SAP30BP: variants seen among roughly 807,000 people sequenced by gnomAD.
The protein encoded by SAP30BP is SAP30 binding protein.
SAP30BP carries 31 observed loss-of-function variants against 46.3 expected under a neutral mutation model. The observed-to-expected ratio is 0.67, with a 90% CI of 0.50 to 0.90. SAP30BP has a LOEUF of 0.90. SAP30BP is among the 40% of genes least tolerant of loss of function. The pLI is 0.00. For missense variants in SAP30BP, 312 were observed against 391.0 expected (o/e 0.80, Z 1.70); for synonymous variants, 169 against 144.2 (o/e 1.17, Z -1.23).
intron 3 of SAP30BP, among the ~76,000 whole-genome samples, chr17:75,680,470 C>T (rs1381677467): frequency 6.6e-6 from 1 of 152,198 alleles, no homozygotes; most frequent in African/African-American, 2.4e-5. Flanking sequence ...GCTGTGGAAC[C>T]ACAGGCCTGT....
At chr17:75,691,602 T>C in intron 3 of SAP30BP, 3 of 409,938 alleles carry the variant, frequency 7.3e-6, no homozygotes, top group East Asian at 1.4e-4. Flanking sequence ...GGGGTAGACA[T>C]GGTAGACTCC....
chr17:75,673,421 C>T (rs1469170892), intron 3 of SAP30BP, among the ~76,000 whole-genome samples: 3 of 152,178 alleles, frequency 2.0e-5, no homozygotes, highest in African/African-American at 7.2e-5. Flanking sequence ...ATAATCTTCT[C>T]TGCCTAGTAT....
At chr17:75,670,158 C>T (rs1233656440) in intron 2 of SAP30BP, among the ~76,000 whole-genome samples, 1 of 151,948 alleles carries the variant, frequency 6.6e-6, no homozygotes, top group African/African-American at 2.4e-5. Context: ...CCCATCTCTA[C>T]TAAAAATACA....
intron 3 of SAP30BP, among the ~76,000 whole-genome samples, chr17:75,687,914 T>TGGGGGG (rs199659385): frequency 4.9e-5 from 6 of 121,934 alleles, no homozygotes; most frequent in South Asian, 2.7e-4. Context: ...TGACAGTGTT[T>TGGGGGG]GGGGTGTGTG....
chr17:75,692,165 A>G, intron 3 of SAP30BP: 1 of 926,578 alleles, frequency 1.1e-6, no homozygotes, highest in Non-Finnish European at 1.3e-6. Context: ...AGGAATGGGG[A>G]ATTTGGCCTG....
intron 4 of SAP30BP, 108 bp downstream of exon 4, chr17:75,693,590 C>A: frequency 2.0e-6 from 2 of 977,328 alleles, no homozygotes; most frequent in Admixed American, 2.4e-5. Flanking sequence ...CTGCTGTGAG[C>A]ACTGTTGTCC....
chr17:75,694,786 AG>A (rs1278763843), intron 4 of SAP30BP, among the ~76,000 whole-genome samples: 2 of 152,234 alleles, frequency 1.3e-5, no homozygotes, highest in African/African-American at 4.8e-5. Context: ...TGCTCTTGCT[AG>A]TAGTGCTGGG....
At chr17:75,704,170 T>G (rs964136516) in intron 8 of SAP30BP, among the ~76,000 whole-genome samples, 6 of 152,186 alleles carry the variant, frequency 3.9e-5, no homozygotes, top group African/African-American at 1.2e-4. Flanking sequence ...TGGGAAGGCC[T>G]CACTGACAAA....
intron 3 of SAP30BP, among the ~76,000 whole-genome samples, chr17:75,689,044 C>T (rs569059630): frequency 1.3e-5 from 2 of 152,208 alleles, no homozygotes; most frequent in South Asian, 2.1e-4. Flanking sequence ...GAGGAGACCT[C>T]GGCTCAGATT....
At chr17:75,685,648 G>T (rs2060144847) in intron 3 of SAP30BP, among the ~76,000 whole-genome samples, 1 of 152,156 alleles carries the variant, frequency 6.6e-6, no homozygotes, top group Non-Finnish European at 1.5e-5. Context: ...TTCCAGACTT[G>T]CATTCTCAAC....
intron 3 of SAP30BP, among the ~76,000 whole-genome samples, chr17:75,682,843 A>G (rs1472585044): frequency 6.6e-6 from 1 of 151,118 alleles, no homozygotes; most frequent in Non-Finnish European, 1.5e-5. Flanking sequence ...CGTGCCTGTA[A>G]TCCCAGCTAC....
Position 75,706,016 on chromosome 17 carries a change from T to C in SAP30BP, c.669T>C (p.Phe223=). ...KAKKERTKIE[F]VTGTKKGTTT... is the part of the protein sequence containing the mutation. The stretch of plus-strand genomic sequence containing the variant: ...TCCCTCTCCCTCTCCAGATTGAGTT[T>C]GTGACGGGCACCAAAAAAGGCACCA... Residue 223 remains phenylalanine (F), a synonymous_variant, in exon 10 of 11, where the codon TTT becomes TTC. Coordinates refer to ENST00000584667, the MANE Select transcript of SAP30BP (RefSeq NM_013260.8). The surrounding 1 kb of genome is among the most constrained non-coding windows in gnomAD (Gnocchi z 4.6). 1 of 1,613,546 alleles carries C rather than the reference T, an allele frequency of 6.2e-7. No homozygotes were observed. Among genetic ancestry groups the C allele is most frequent in the Non-Finnish European group, 8.5e-7 (1 of 1,180,008 alleles).
At chr17:75,674,690 G>GTTTGTTTTTTTTTTTT (rs2059958498) in intron 3 of SAP30BP, among the ~76,000 whole-genome samples, 3 of 39,578 alleles carry the variant, frequency 7.6e-5, no homozygotes, top group African/African-American at 2.0e-4. Context: ...TTTTTTGTTT[G>GTTTGTTTTTTTTTTTT]TTTTTTGTTT....
chr17:75,687,665 G>A (rs956484081), intron 3 of SAP30BP, among the ~76,000 whole-genome samples: 8 of 152,010 alleles, frequency 5.3e-5, no homozygotes, highest in Non-Finnish European at 8.8e-5. Context: ...CAAAGAATTG[G>A]GTTTGAAATT....
chr17:75,693,989 A>G (rs1471955795), intron 4 of SAP30BP, among the ~76,000 whole-genome samples: 1 of 152,124 alleles, frequency 6.6e-6, no homozygotes, highest in East Asian at 1.9e-4. Flanking sequence ...AGCATACATC[A>G]TCCAAGTCCT....
At position 75,706,028 on chromosome 17, in the gene SAP30BP, CA is replaced by C. The variant is rs751752121; in HGVS notation, c.687del (p.Gly230AlafsTer34). On this transcript the variant is annotated frameshift_variant, in exon 10 of 11. Transcript: ENST00000584667. LOFTEE classifies it high-confidence loss of function. The surrounding 1 kb of genome is among the most constrained non-coding windows in gnomAD (Gnocchi z 4.6). ...RTKIEFVTGT[K>X]KGTTTNATST... is the part of the protein sequence containing the mutation. Reference sequence around the variant, plus strand: ...TCCAGATTGAGTTTGTGACGGGCACCAAAAAAGGCACCACGACCAACGCCAC... The same window carrying C: ...TCCAGATTGAGTTTGTGACGGGCACCAAAAAGGCACCACGACCAACGCCAC... 2.5e-6 allele frequency: 4 copies of C among 1,613,516 alleles called. No homozygotes were observed. Among genetic ancestry groups the C allele is most frequent in the Non-Finnish European group, 8.5e-7 (1 of 1,179,920 alleles).
intron 3 of SAP30BP, among the ~76,000 whole-genome samples, chr17:75,675,047 G>A (rs1241203701): frequency 6.6e-6 from 1 of 152,126 alleles, no homozygotes; most frequent in Non-Finnish European, 1.5e-5. Flanking sequence ...TGTTACAAGT[G>A]TGGATCTTTG....
At chr17:75,688,244 C>A (rs1310183467) in intron 3 of SAP30BP, among the ~76,000 whole-genome samples, 1 of 152,148 alleles carries the variant, frequency 6.6e-6, no homozygotes, top group Non-Finnish European at 1.5e-5. Flanking sequence ...GCTCGTGGGC[C>A]ACAGTGAGGA....
At chr17:75,700,552 G>A (rs1399140491) in intron 5 of SAP30BP, among the ~76,000 whole-genome samples, 1 of 152,192 alleles carries the variant, frequency 6.6e-6, no homozygotes, top group African/African-American at 2.4e-5. Context: ...CCCACTGGGT[G>A]CCTCTGGCTA....
Sources: gnomAD v4.1 joint callset for allele counts (sites outside exome capture counted in the v4.1 genomes callset) on GRCh38, gnomAD v4.1.1 for gene constraint, Gnocchi (gnomAD v3.1) non-coding constraint, MANE v1.5 for transcripts, NCBI Gene and HGNC (gene_info 2026-07-23, HGNC 2026-07-21) for gene names.